NRXN3: variants seen among roughly 807,000 people sequenced by gnomAD.
NRXN3 encodes the protein neurexin III.
A neutral mutation model predicts 137.6 loss-of-function variants in NRXN3; 32 were observed. The ratio of observed to expected loss-of-function variants is 0.23; its 90% CI spans 0.18 to 0.31. NRXN3 has a LOEUF of 0.31. NRXN3 is among the 10% of genes least tolerant of loss of function. The probability of loss-of-function intolerance (pLI) is 1.00; values close to 1 mark genes in which losing one functional copy is unlikely to be tolerated. For missense variants in NRXN3, 1,574 were observed against 2,062.5 expected (o/e 0.76, Z 4.59); for synonymous variants, 798 against 784.5 (o/e 1.02, Z -0.29).
chr14:79,449,205 T>C (rs1395243706), intron 15 of NRXN3, among the ~76,000 whole-genome samples: 1 of 152,288 alleles, frequency 6.6e-6, no homozygotes, highest in Admixed American at 6.6e-5. Context: ...TGGCACTTCA[T>C]AGTGAAGATG....
At chr14:78,778,690 C>CT (rs1388452611) in intron 8 of NRXN3, among the ~76,000 whole-genome samples, 1 of 133,590 alleles carries the variant, frequency 7.5e-6, no homozygotes, top group South Asian at 2.5e-4. Context: ...TTCTTTCTTT[C>CT]TTTCTTTCTT....
At chr14:78,862,363 G>A (rs141822693) in intron 10 of NRXN3, among the ~76,000 whole-genome samples, 1 of 152,162 alleles carries the variant, frequency 6.6e-6, no homozygotes, top group East Asian at 1.9e-4. Context: ...TATTTGCGAA[G>A]ATTTATTACT....
At chr14:78,848,406 C>A (rs570394715) in intron 10 of NRXN3, among the ~76,000 whole-genome samples, 1 of 151,994 alleles carries the variant, frequency 6.6e-6, no homozygotes, top group Non-Finnish European at 1.5e-5. Flanking sequence ...GCTGGATAAC[C>A]GTTAAAAGAA....
At chr14:79,122,543 C>T (rs2055637195) in intron 15 of NRXN3, among the ~76,000 whole-genome samples, 1 of 152,084 alleles carries the variant, frequency 6.6e-6, no homozygotes, top group African/African-American at 2.4e-5. Flanking sequence ...AAAAGACATT[C>T]TAATATTATT....
At chr14:78,723,552 C>T (rs997198922) in intron 8 of NRXN3, among the ~76,000 whole-genome samples, 4 of 152,170 alleles carry the variant, frequency 2.6e-5, no homozygotes, top group Non-Finnish European at 5.9e-5. Flanking sequence ...CAAACCTACA[C>T]CTGCTTTGGT....
At chr14:78,781,923 G>A (rs1484078873) in intron 8 of NRXN3, among the ~76,000 whole-genome samples, 2 of 152,188 alleles carry the variant, frequency 1.3e-5, no homozygotes, top group Non-Finnish European at 2.9e-5. Context: ...CAAAATGGCT[G>A]CTGCATCTTC....
chr14:78,321,424 G>A lies in NRXN3; in HGVS notation c.757+23564G>A, dbSNP rs1040784965. On this transcript the variant is annotated intron_variant, in intron 4 of 20. Transcript: ENST00000335750. ...TTTTACCCTCTCCTGTCCTATTTCT[G>A]TTTTTTTCTGGATTCATAAATATTT... 7.9e-5 allele frequency among the ~76,000 whole-genome samples: 12 copies of A among 151,942 alleles called. No individual in the cohort carries two copies. In the East Asian group the frequency reaches 2.1e-3, roughly 27 times the overall value.
At chr14:78,233,322 G>A (rs2065713200) in intron 1 of NRXN3, among the ~76,000 whole-genome samples, 2 of 152,296 alleles carry the variant, frequency 1.3e-5, no homozygotes, top group African/African-American at 4.8e-5. Flanking sequence ...TTCCAATCTA[G>A]TGGTCTTTCC....
intron 4 of NRXN3, among the ~76,000 whole-genome samples, chr14:78,636,618 G>A (rs777111809): frequency 6.6e-5 from 10 of 152,092 alleles, no homozygotes; most frequent in African/African-American, 2.2e-4. Context: ...TCTGTAAGAC[G>A]GAGTGCACTA....
chr14:79,504,533 A>G (rs2096854241), intron 16 of NRXN3, among the ~76,000 whole-genome samples: 1 of 150,880 alleles, frequency 6.6e-6, no homozygotes, highest in African/African-American at 2.4e-5. Context: ...TATTACTACA[A>G]GTTAGATTTG....
intron 16 of NRXN3, among the ~76,000 whole-genome samples, chr14:79,547,291 A>G (rs2194617): frequency 0.88 from 133,302 of 152,174 alleles, 58,677 homozygotes; most frequent in Admixed American, 0.92. Context: ...GAATTGTACT[A>G]TATTACTCCA....
chr14:79,332,212 A>G (rs530340796), intron 15 of NRXN3, among the ~76,000 whole-genome samples: 2 of 152,312 alleles, frequency 1.3e-5, no homozygotes, highest in East Asian at 1.9e-4. Context: ...AAAAACCGCA[A>G]TGATTTTCGC....
At chr14:78,538,263 T>C (rs531086935) in intron 4 of NRXN3, among the ~76,000 whole-genome samples, 33 of 152,352 alleles carry the variant, frequency 2.2e-4, no homozygotes, top group Middle Eastern at 3.4e-3. Flanking sequence ...TGTACTTCCA[T>C]TTGTTTGTAT....
intron 4 of NRXN3, among the ~76,000 whole-genome samples, chr14:78,520,290 C>G (rs2096267820): frequency 6.6e-6 from 1 of 152,154 alleles, no homozygotes; most frequent in Non-Finnish European, 1.5e-5. Context: ...TGGGTAGAAA[C>G]AGATATTGTC....
chr14:78,195,281 GTGTT>G (rs2061125202), intron 1 of NRXN3, among the ~76,000 whole-genome samples: 3 of 152,270 alleles, frequency 2.0e-5, no homozygotes, highest in Admixed American at 6.5e-5. Context: ...ACCCTGGAGG[GTGTT>G]TGTTTGTTTA....
chr14:79,302,349 A>G (rs186858905), intron 15 of NRXN3, among the ~76,000 whole-genome samples: 2 of 152,118 alleles, frequency 1.3e-5, no homozygotes, highest in East Asian at 1.9e-4. Flanking sequence ...CAGACTGTAC[A>G]AGCATGGCAT....
intron 8 of NRXN3, among the ~76,000 whole-genome samples, chr14:78,780,877 T>C (rs1278111962): frequency 2.0e-5 from 3 of 152,216 alleles, no homozygotes; most frequent in Non-Finnish European, 4.4e-5. Context: ...AGGCAGCCAC[T>C]TTGAAATACA....
chr14:79,622,205 A>T (rs563864155), intron 16 of NRXN3, among the ~76,000 whole-genome samples: 2 of 152,332 alleles, frequency 1.3e-5, no homozygotes, highest in South Asian at 2.1e-4. Context: ...GGCACTTCTC[A>T]TCTGAGACAT....
intron 10 of NRXN3, among the ~76,000 whole-genome samples, chr14:78,894,955 A>G (rs2099169264): frequency 1.3e-5 from 2 of 151,400 alleles, no homozygotes; most frequent in African/African-American, 2.4e-5. Context: ...TCAGTAAACC[A>G]TTTTGTAAAT....
Sources: allele counts gnomAD v4.1 joint callset (sites outside exome capture counted in the v4.1 genomes callset), GRCh38; gene constraint gnomAD v4.1.1; transcripts MANE v1.5; gene names NCBI Gene and HGNC (gene_info 2026-07-23, HGNC 2026-07-21).